The following TBCD variants were observed in gnomAD, a reference collection of about 807,000 sequenced individuals.
The protein encoded by TBCD is tubulin folding cofactor D.
In TBCD, 105 loss-of-function variants were observed where a neutral mutation model predicts 169.3. That is an observed-to-expected ratio of 0.62 (90% CI 0.53 to 0.73). The LOEUF (loss-of-function observed/expected upper bound fraction) is 0.73. Ranked by LOEUF, TBCD falls within the 30% of genes least tolerant of loss-of-function variation. TBCD has a pLI of 0.00. For synonymous variants in TBCD, 700 were observed against 643.9 expected (o/e 1.09, Z -1.32); for missense variants, 1,444 against 1,600.1 (o/e 0.90, Z 1.66).
chr17:82,912,731 C>T (rs1402731767), intron 23 of TBCD, among the ~76,000 whole-genome samples: 1 of 152,234 alleles, frequency 6.6e-6, no homozygotes, highest in Non-Finnish European at 1.5e-5. Flanking sequence ...GCCTCTTGTG[C>T]TTTCTGTCCA....
rs1285725660 is a variant in TBCD at position 82,849,253 on chromosome 17, G to A, written c.1319-20971G>A. Among the ~76,000 whole-genome samples, 490 of 140,068 alleles carry A rather than the reference G, an allele frequency of 3.5e-3. 1 individual carries two copies. Among genetic ancestry groups the A allele is most frequent in the African/African-American group, 0.013 (454 of 33,780 alleles). The allele number at this position is 140,068 out of a possible 152,430, so 91.9% of individuals were successfully genotyped here. On this transcript the variant is annotated intron_variant, in intron 13 of 38. Coordinates refer to ENST00000355528, the MANE Select transcript of TBCD (RefSeq NM_005993.5). The stretch of plus-strand genomic sequence containing the variant: ...ACCTCAATGTCCCCCGCTCTGCTGC[G>A]TCTTCTCCACCTCGATGTCCCCCTC...
chr17:82,841,741 G>C (rs2145466674), intron 13 of TBCD, among the ~76,000 whole-genome samples: 1 of 152,300 alleles, frequency 6.6e-6, no homozygotes, highest in African/African-American at 2.4e-5. Context: ...GTTTGTGGAG[G>C]GCCTGGCCGA....
At chr17:82,783,568 T>G (rs536556893) in intron 7 of TBCD, among the ~76,000 whole-genome samples, 102 of 152,332 alleles carry the variant, frequency 6.7e-4, no homozygotes, top group African/African-American at 2.4e-3. Flanking sequence ...GTGGACTTGC[T>G]GGTTGCGGAC....
intron 6 of TBCD, among the ~76,000 whole-genome samples, chr17:82,773,034 A>G (rs2048383704): frequency 6.6e-6 from 1 of 152,238 alleles, no homozygotes; most frequent in Non-Finnish European, 1.5e-5. Flanking sequence ...AACCTGTTTC[A>G]TGAGATGCAA....
At chr17:82,777,895 T>C (rs1228209357) in intron 6 of TBCD, among the ~76,000 whole-genome samples, 1 of 152,148 alleles carries the variant, frequency 6.6e-6, no homozygotes, top group African/African-American at 2.4e-5. Flanking sequence ...TGTTTTTCCT[T>C]GACACTAACG....
intron 17 of TBCD, among the ~76,000 whole-genome samples, chr17:82,899,521 T>G (rs1355655797): frequency 6.6e-6 from 1 of 152,276 alleles, no homozygotes; most frequent in East Asian, 1.9e-4. Flanking sequence ...TGCACTGTTC[T>G]GTGGCTATAC....
chr17:82,802,453 G>A (rs531516955), intron 9 of TBCD, among the ~76,000 whole-genome samples: 1 of 152,184 alleles, frequency 6.6e-6, no homozygotes, highest in African/African-American at 2.4e-5. Flanking sequence ...AGCTGCTGTG[G>A]GGAATGTTCA....
intron 14 of TBCD, among the ~76,000 whole-genome samples, chr17:82,878,698 G>T (rs1286265917): frequency 6.6e-6 from 1 of 152,162 alleles, no homozygotes; most frequent in African/African-American, 2.4e-5. Flanking sequence ...GTTCTTGTGG[G>T]GTACTCGAAG....
At chr17:82,928,542 G>A (rs888203075) in intron 30 of TBCD, among the ~76,000 whole-genome samples, 18 of 150,834 alleles carry the variant, frequency 1.2e-4, no homozygotes, top group Admixed American at 1.2e-3. Context: ...CTCTGTCAGG[G>A]GCACTCAGTC....
At chr17:82,814,605 T>G (rs1466270201) in intron 12 of TBCD, among the ~76,000 whole-genome samples, 1 of 152,218 alleles carries the variant, frequency 6.6e-6, no homozygotes, top group African/African-American at 2.4e-5. Context: ...AACCTCCGCC[T>G]CCCTGGTTCA....
intron 15 of TBCD, among the ~76,000 whole-genome samples, chr17:82,885,746 G>A (rs529074954): frequency 1.3e-5 from 2 of 151,820 alleles, no homozygotes; most frequent in African/African-American, 4.8e-5. Context: ...AATATGAAGT[G>A]AAATAATATA....
rs2048982004 is a variant in TBCD at position 82,782,069 on chromosome 17, G to T, written c.771+348G>T. Among the ~76,000 whole-genome samples the T allele has an allele frequency of 6.6e-6, 1 of 152,234 alleles. No homozygotes were observed. The highest frequency in any genetic ancestry group is 2.4e-5 in the African/African-American group (1 of 41,460). On this transcript the variant is annotated intron_variant, in intron 7 of 38. Coordinates refer to ENST00000355528, the MANE Select transcript of TBCD (RefSeq NM_005993.5). This position sits in a 1 kb window ranked among gnomAD's most constrained non-coding sequence, Gnocchi z 5.1. ...ACTGAACGAGCTCTAATAAAACAAG[G>T]TGGGTGAGTTGAAATTTGATTCTGT...
At chr17:82,885,646 A>G (rs946735989) in intron 15 of TBCD, among the ~76,000 whole-genome samples, 1 of 152,208 alleles carries the variant, frequency 6.6e-6, no homozygotes, top group Admixed American at 6.5e-5. Context: ...CTGTACTTAA[A>G]TTAAGCTTTT....
intron 1 of TBCD, among the ~76,000 whole-genome samples, chr17:82,755,122 G>A (rs1001339376): frequency 6.6e-6 from 1 of 152,200 alleles, no homozygotes; most frequent in Non-Finnish European, 1.5e-5. Flanking sequence ...AGGGCGTCCA[G>A]GGCATTGGTG....
At chr17:82,907,677 G>C in intron 20 of TBCD, 84 bp from the exon 21 acceptor site, 1 of 1,472,148 alleles carries the variant, frequency 6.8e-7, no homozygotes, top group East Asian at 2.3e-5. Context: ...GGGTCTTGGG[G>C]AGTGTGGCCT....
chr17:82,826,683 T>C (rs891614913), intron 13 of TBCD, among the ~76,000 whole-genome samples: 1 of 152,248 alleles, frequency 6.6e-6, no homozygotes, highest in African/African-American at 2.4e-5. Flanking sequence ...CCCAAAGTGC[T>C]GGGATTATGG....
chr17:82,865,933 T>A (rs2057139174), intron 13 of TBCD, among the ~76,000 whole-genome samples: 1 of 152,192 alleles, frequency 6.6e-6, no homozygotes, highest in African/African-American at 2.4e-5. Context: ...ATTACATGGC[T>A]GGACCTGGGT....
chr17:82,802,271 A>G (rs2050627789), intron 9 of TBCD, among the ~76,000 whole-genome samples: 1 of 151,566 alleles, frequency 6.6e-6, no homozygotes, highest in Non-Finnish European at 1.5e-5. Flanking sequence ...AGTTTGTTTC[A>G]AGTGCTATAA....
intron 20 of TBCD, among the ~76,000 whole-genome samples, chr17:82,907,321 G>A (rs2060320547): frequency 6.6e-6 from 1 of 152,196 alleles, no homozygotes; most frequent in African/African-American, 2.4e-5. Context: ...TGGTCACATT[G>A]GCAGGGGTCA....
Sources: gnomAD v4.1 joint callset for allele counts (sites outside exome capture counted in the v4.1 genomes callset) on GRCh38, gnomAD v4.1.1 for gene constraint, Gnocchi (gnomAD v3.1) non-coding constraint, MANE v1.5 for transcripts, NCBI Gene and HGNC (gene_info 2026-07-23, HGNC 2026-07-21) for gene names.